MAP3K3: variants seen among roughly 807,000 people sequenced by gnomAD.
The protein encoded by MAP3K3 is MAP/ERK kinase kinase 3.
A neutral mutation model predicts 80.9 loss-of-function variants in MAP3K3; 12 were observed. That is an observed-to-expected ratio of 0.15 (90% CI 0.10 to 0.24). The LOEUF (loss-of-function observed/expected upper bound fraction) is 0.24, where lower values mean the gene tolerates loss of function less well. MAP3K3 is among the 10% of genes least tolerant of loss of function. The probability of loss-of-function intolerance (pLI) is 1.00; values close to 1 mark genes in which losing one functional copy is unlikely to be tolerated. For missense variants in MAP3K3, 596 were observed against 834.7 expected (o/e 0.71, Z 3.52); for synonymous variants, 272 against 307.1 (o/e 0.89, Z 1.19).
rs1048615612 is a variant in MAP3K3 at position 63,690,126 on chromosome 17, G to A, written c.1064-138G>A. 4 of 971,856 alleles carry A rather than the reference G, an allele frequency of 4.1e-6. No homozygotes were observed. The Admixed American group carries it at 9.4e-5, about 23-fold the overall frequency. The allele number at this position is 971,856 out of a possible 1,614,324, so 60.2% of individuals were successfully genotyped here. A position where few individuals can be genotyped will look rare whatever the true frequency, so the allele number is the denominator to read the frequency against. On this transcript the variant is annotated intron_variant, in intron 11 of 15. Transcript: ENST00000361733. ...TAGGGCACTGGGCTTGCTCCAGATT[G>A]TGGTGGAGATGCTCTACTAAGAGAT... is the stretch of plus-strand genomic sequence containing the variant.
chr17:63,627,266 ACTC>A (rs924040396), intron 1 of MAP3K3, among the ~76,000 whole-genome samples: 1 of 151,706 alleles, frequency 6.6e-6, no homozygotes, highest in East Asian at 1.9e-4. Context: ...TTCCATGAAT[ACTC>A]CTCCTTTTCC....
intron 8 of MAP3K3, among the ~76,000 whole-genome samples, chr17:63,687,561 A>G (rs9894090): frequency 0.28 from 42,207 of 150,350 alleles, 6,302 homozygotes; most frequent in African/African-American, 0.37. Context: ...ATGGTGGCAC[A>G]TGCCTGTAGT....
chr17:63,653,405 C>A (rs925482893), intron 4 of MAP3K3, among the ~76,000 whole-genome samples: 7 of 152,174 alleles, frequency 4.6e-5, no homozygotes, highest in Non-Finnish European at 1.0e-4. Flanking sequence ...CTTTGAGAAC[C>A]AGATCATCAC....
intron 1 of MAP3K3, among the ~76,000 whole-genome samples, chr17:63,623,395 C>T (rs1785644009): frequency 6.6e-6 from 1 of 152,188 alleles, no homozygotes; most frequent in Non-Finnish European, 1.5e-5. Context: ...AGGAGTTGGT[C>T]GGATGCTGCC....
At chr17:63,623,669 A>G (rs2034041552) in intron 1 of MAP3K3, among the ~76,000 whole-genome samples, 1 of 152,234 alleles carries the variant, frequency 6.6e-6, no homozygotes, top group Non-Finnish European at 1.5e-5. Flanking sequence ...TTAGCAAATG[A>G]CTACTGGACT....
intron 1 of MAP3K3, among the ~76,000 whole-genome samples, chr17:63,627,731 C>T (rs1024890094): frequency 3.3e-5 from 5 of 151,894 alleles, no homozygotes; most frequent in Admixed American, 1.3e-4. Context: ...CATGAGCCAT[C>T]GTGCCTGGCC....
chr17:63,651,851 G>A (rs756731336), intron 3 of MAP3K3, among the ~76,000 whole-genome samples: 13 of 152,168 alleles, frequency 8.5e-5, no homozygotes, highest in Non-Finnish European at 1.6e-4. Flanking sequence ...TGACTCTGTA[G>A]TAGAAAATCT....
At chr17:63,690,944 TG>T in intron 12 of MAP3K3, 157 bp from the exon 13 acceptor site, 1 of 837,612 alleles carries the variant, frequency 1.2e-6, no homozygotes, top group Non-Finnish European at 1.8e-6. Flanking sequence ...CCCAGCATTG[TG>T]GCCAAGAGCT....
intron 3 of MAP3K3, 24 bp from the exon 4 acceptor site, chr17:63,652,533 A>G (rs1441839231): frequency 1.3e-6 from 2 of 1,543,790 alleles, no homozygotes; most frequent in African/African-American, 1.4e-5. Context: ...CAATTAACCA[A>G]CCTTTCTTTC....
chr17:63,671,985 A>T (rs553114959), intron 6 of MAP3K3, among the ~76,000 whole-genome samples: 91 of 144,696 alleles, frequency 6.3e-4, no homozygotes, highest in Non-Finnish European at 1.1e-3. Flanking sequence ...AATATCATTT[A>T]AAAAAAAAAA....
intron 1 of MAP3K3, among the ~76,000 whole-genome samples, chr17:63,628,661 A>G (rs887599919): frequency 4.6e-5 from 7 of 152,132 alleles, no homozygotes; most frequent in Non-Finnish European, 5.9e-5. Context: ...GGCCCTGCCA[A>G]TTCTATCTTT....
chr17:63,649,398 C>T (rs1398877062), intron 3 of MAP3K3, among the ~76,000 whole-genome samples: 1 of 150,738 alleles, frequency 6.6e-6, no homozygotes, highest in African/African-American at 2.5e-5. Context: ...GATCGTGCCA[C>T]TTCAGCCTAG....
At chr17:63,655,177 C>T (rs1253487995) in intron 4 of MAP3K3, among the ~76,000 whole-genome samples, 1 of 152,004 alleles carries the variant, frequency 6.6e-6, no homozygotes, top group Non-Finnish European at 1.5e-5. Context: ...CTTCACATGG[C>T]GACAGGAGAG....
At position 63,689,124 on chromosome 17, in the gene MAP3K3, C is replaced by T. The variant is rs1015161284; in HGVS notation, c.871+243C>T. On this transcript the variant is annotated intron_variant, in intron 10 of 15. Transcript: ENST00000361733. This position sits in a 1 kb window ranked among gnomAD's most constrained non-coding sequence, Gnocchi z 4.3. ...TGAAGCCAGTGGTGTGCTCCAGGGG[C>T]ACCATCTCTCCCATGTCCTCTTCTG... The T allele has an allele frequency of 6.9e-6, 4 of 581,146 alleles. No individual in the cohort carries two copies. Among genetic ancestry groups the T allele is most frequent in the South Asian group, 2.0e-5 (1 of 49,116 alleles). The allele number at this position is 581,146 out of a possible 1,614,324, so 36.0% of individuals were successfully genotyped here.
intron 3 of MAP3K3, among the ~76,000 whole-genome samples, chr17:63,646,734 A>G (rs779102571): frequency 6.6e-6 from 1 of 152,216 alleles, no homozygotes; most frequent in Non-Finnish European, 1.5e-5. Flanking sequence ...AAGCCAAGGT[A>G]GAAGTTCTCA....
rs566153526 is a variant in MAP3K3, at chr17:63,665,196, C to T, written c.382-1744C>T. Among the ~76,000 whole-genome samples, 44 of 152,028 alleles carry T rather than the reference C, an allele frequency of 2.9e-4. 1 individual carries two copies. In the South Asian group the frequency reaches 9.0e-3, roughly 31 times the overall value. On this transcript the variant is annotated intron_variant, in intron 5 of 15. Transcript: ENST00000361733. ...GCACATGCCTGTAATCCCAGCTACT[C>T]GGGAGGCCGACCAGGCTGGAGTACA...
Position 63,634,951 on chromosome 17 carries a change from C to T in MAP3K3, c.126+2149C>T, listed in dbSNP as rs1041735388. Reference sequence around the variant, plus strand: ...GTGACCTGTGTTCAGTGCTTCTAGTCACCATTTCTCACAACAGTATTATTC... The same window carrying T: ...GTGACCTGTGTTCAGTGCTTCTAGTTACCATTTCTCACAACAGTATTATTC... On this transcript the variant is annotated intron_variant, in intron 2 of 15. Transcript: ENST00000361733. 4 of 687,684 alleles carry T rather than the reference C, an allele frequency of 5.8e-6. No homozygotes were observed. In the East Asian group the frequency reaches 1.1e-4, roughly 18 times the overall value. 42.6% of individuals were successfully genotyped at this position (687,684 alleles called of 1,614,324 possible).
intron 2 of MAP3K3, among the ~76,000 whole-genome samples, chr17:63,644,039 C>G (rs1010116708): frequency 2.6e-4 from 39 of 152,182 alleles, no homozygotes; most frequent in African/African-American, 9.2e-4. Flanking sequence ...CAGTTATTTT[C>G]TGTAAAATAG....
In MAP3K3 at chr17:63,688,580, G is replaced by C. The variant is rs1272441798; in HGVS notation, c.764G>C (p.Arg255Thr). The change falls in exon 9 of 16, where the codon AGA becomes ACA. Residue 255 changes from arginine (R) to threonine (T), a missense_variant. Around this residue, in one of 2 missense-constraint regions of MAP3K3, gnomAD observed 364 missense variants for 588.9 expected, o/e 0.62. Coordinates refer to ENST00000361733, the MANE Select transcript of MAP3K3 (RefSeq NM_002401.5). ...MSRAQSFPDN[R>T]QEYSDRETQL... ...CGTGCCCAGAGCTTCCCTGACAACA[G>C]ACAGGAATACTCAGGTGAGTTCCAC... 6.2e-7 allele frequency: 1 copy of C among 1,614,140 alleles called. No homozygotes were observed.
Sources: allele counts gnomAD v4.1 joint callset (sites outside exome capture counted in the v4.1 genomes callset), GRCh38; gene constraint gnomAD v4.1.1; regional missense constraint gnomAD v4.1.1; non-coding constraint Gnocchi (gnomAD v3.1); transcripts MANE v1.5; gene names NCBI Gene and HGNC (gene_info 2026-07-23, HGNC 2026-07-21).